The following DIS3L2 variants were observed in gnomAD, a reference collection of about 807,000 sequenced individuals.
The protein encoded by DIS3L2 is DIS3 like 3'-5' exoribonuclease 2.
In DIS3L2, 34 loss-of-function variants were observed where a neutral mutation model predicts 97.5. That is an observed-to-expected ratio of 0.35 (90% confidence interval 0.27 to 0.46). The LOEUF is 0.46. Ranked by LOEUF, DIS3L2 falls within the 20% of genes least tolerant of loss-of-function variation. The pLI is 1.00. For synonymous variants in DIS3L2, 435 were observed against 445.2 expected, an observed-to-expected ratio of 0.98 and a Z score of 0.29; for missense variants, 1,038 against 1,146.0, an observed-to-expected ratio of 0.91 and a Z score of 1.36.
chr2:232,204,765 C>T (rs570536924), intron 9 of DIS3L2, among the ~76,000 whole-genome samples: 74 of 152,126 alleles, frequency 4.9e-4, no homozygotes, highest in Non-Finnish European at 2.9e-4. Flanking sequence ...CACAGTGCAC[C>T]GCCTCCATCA....
chr2:232,090,787 T>C (rs997744474), intron 6 of DIS3L2, among the ~76,000 whole-genome samples: 1 of 152,244 alleles, frequency 6.6e-6, no homozygotes, highest in African/African-American at 2.4e-5. Flanking sequence ...AGTATTATGT[T>C]TCTTTGCCCA....
At chr2:231,982,839 C>T (rs1040587817) in intron 1 of DIS3L2, among the ~76,000 whole-genome samples, 1 of 152,054 alleles carries the variant, frequency 6.6e-6, no homozygotes, top group African/African-American at 2.4e-5. Context: ...GCCACCACAC[C>T]TGGCTAATTT....
intron 8 of DIS3L2, among the ~76,000 whole-genome samples, chr2:232,146,190 T>C (rs1312901701): frequency 6.6e-6 from 1 of 152,192 alleles, no homozygotes; most frequent in African/African-American, 2.4e-5. Flanking sequence ...GGTATTCTTA[T>C]GCTCTAGAAC....
At chr2:232,083,294 C>A (rs13012403) in intron 5 of DIS3L2, among the ~76,000 whole-genome samples, 136,424 of 143,186 alleles carry the variant, frequency 0.95, 65,036 homozygotes, top group East Asian at 1. Context: ...CCCCCCCCCC[C>A]CACATATACA....
At chr2:232,339,918 C>A (rs955210866), downstream of DIS3L2, among the ~76,000 whole-genome samples, 9 of 152,094 alleles carry the variant, frequency 5.9e-5, no homozygotes, top group Non-Finnish European at 8.8e-5. Flanking sequence ...GAAGGAGAGC[C>A]AGGAACAGGC....
At chr2:232,216,882 G>A (rs973645222) in intron 10 of DIS3L2, among the ~76,000 whole-genome samples, 12 of 135,706 alleles carry the variant, frequency 8.8e-5, no homozygotes, top group African/African-American at 1.7e-4. Context: ...TTGCTCTGTC[G>A]CCCAGGCTGG....
chr2:232,306,604 A>G (rs1694991311), intron 14 of DIS3L2, among the ~76,000 whole-genome samples: 1 of 152,232 alleles, frequency 6.6e-6, no homozygotes, highest in African/African-American at 2.4e-5. Context: ...TCAGTCTACT[A>G]TCTTGTCAGA....
At chr2:232,052,634 A>G (rs1408893988) in intron 5 of DIS3L2, among the ~76,000 whole-genome samples, 14 of 151,904 alleles carry the variant, frequency 9.2e-5, no homozygotes, top group Admixed American at 2.0e-4. Flanking sequence ...GCATGCTTAC[A>G]TTTTCTTTTT....
At chr2:232,062,721 C>T (rs1335677430) in intron 5 of DIS3L2, among the ~76,000 whole-genome samples, 1 of 152,108 alleles carries the variant, frequency 6.6e-6, no homozygotes, top group African/African-American at 2.4e-5. Context: ...TCTTAATGAA[C>T]AGAAACTAGG....
intron 5 of DIS3L2, among the ~76,000 whole-genome samples, chr2:232,080,571 T>C (rs1696357093): frequency 6.6e-6 from 1 of 152,040 alleles, no homozygotes; most frequent in Non-Finnish European, 1.5e-5. Context: ...TCTCAGATTT[T>C]TGTCTCTCCT....
intron 5 of DIS3L2, among the ~76,000 whole-genome samples, chr2:232,047,889 ACATAT>A (rs1354849558): frequency 1.3e-5 from 2 of 152,340 alleles, no homozygotes; most frequent in East Asian, 3.9e-4. Context: ...ACGTTGTAGC[ACATAT>A]CAGTACTTCA....
intron 15 of DIS3L2, 89 bp from the exon 16 acceptor site, chr2:232,330,601 G>T: frequency 7.3e-7 from 1 of 1,368,514 alleles, no homozygotes. Flanking sequence ...CCCCAGAGCC[G>T]GGCATGAGGT....
chr2:232,218,927 C>T (rs1171394387), intron 10 of DIS3L2, among the ~76,000 whole-genome samples: 1 of 152,194 alleles, frequency 6.6e-6, no homozygotes, highest in African/African-American at 2.4e-5. Context: ...AGTCCTCAGC[C>T]TCCTCTCCTG....
chr2:232,217,373 C>T (rs1460037270), intron 10 of DIS3L2, among the ~76,000 whole-genome samples: 2 of 152,216 alleles, frequency 1.3e-5, no homozygotes, highest in African/African-American at 2.4e-5. Context: ...TGACCAAATA[C>T]TTGGGTGCTT....
At chr2:232,092,529 T>C (rs138214435) in intron 6 of DIS3L2, among the ~76,000 whole-genome samples, 4 of 152,308 alleles carry the variant, frequency 2.6e-5, no homozygotes, top group African/African-American at 9.6e-5. Flanking sequence ...TTCCCAGCCA[T>C]GAATGTGAAA....
chr2:232,221,659 C>A (rs1395354446), intron 10 of DIS3L2, among the ~76,000 whole-genome samples: 2 of 151,940 alleles, frequency 1.3e-5, no homozygotes, highest in Admixed American at 1.3e-4. Flanking sequence ...CAAAAATTAG[C>A]TGGGCATGGC....
At chr2:232,117,418 T>C (rs903544560) in intron 6 of DIS3L2, among the ~76,000 whole-genome samples, 3 of 152,234 alleles carry the variant, frequency 2.0e-5, no homozygotes, top group African/African-American at 7.2e-5. Flanking sequence ...AGATGATTCT[T>C]GCATAGATCA....
chr2:231,991,342 AGCTTACT>A (rs1457283106), intron 1 of DIS3L2, among the ~76,000 whole-genome samples: 6 of 152,134 alleles, frequency 3.9e-5, no homozygotes, highest in Admixed American at 3.9e-4. Flanking sequence ...GCACTATCAT[AGCTTACT>A]GCACTCTTGA....
At chr2:232,081,240 C>A (rs1291500026) in intron 5 of DIS3L2, among the ~76,000 whole-genome samples, 1 of 152,150 alleles carries the variant, frequency 6.6e-6, no homozygotes, top group African/African-American at 2.4e-5. Flanking sequence ...TCTCTTTTTA[C>A]AATATGCATA....
Sources: gnomAD v4.1 joint callset for allele counts (sites outside exome capture counted in the v4.1 genomes callset) on GRCh38, gnomAD v4.1.1 for gene constraint, MANE v1.5 for transcripts, NCBI Gene and HGNC (gene_info 2026-07-23, HGNC 2026-07-21) for gene names.